DMRT1: variants seen among roughly 807,000 people sequenced by gnomAD.
DMRT1 encodes doublesex and mab-3 related transcription factor 1, also known as doublesex- and mab-3-related transcription factor 1.
DMRT1 carries 7 observed loss-of-function variants against 32.3 expected under a neutral mutation model. That is an observed-to-expected ratio of 0.22 (90% confidence interval 0.12 to 0.41). The LOEUF is 0.41. Among genes scored for constraint, DMRT1 ranks in the 10% least tolerant of loss-of-function variants. DMRT1 has a pLI of 1.00. For synonymous variants in DMRT1, 278 were observed against 206.1 expected, an observed-to-expected ratio of 1.35 and a Z score of -2.99; for missense variants, 625 against 500.5, an observed-to-expected ratio of 1.25 and a Z score of -2.37.
chr9:944,950 A>G (rs1216330571), intron 4 of DMRT1, among the ~76,000 whole-genome samples: 1 of 152,052 alleles, frequency 6.6e-6, no homozygotes, highest in Admixed American at 6.6e-5. Context: ...ATGTCCCCCA[A>G]ACAACCGACT....
chr9:947,553 G>C (rs765452524), intron 4 of DMRT1, among the ~76,000 whole-genome samples: 16 of 152,188 alleles, frequency 1.1e-4, no homozygotes, highest in Non-Finnish European at 1.9e-4. Context: ...GGAGATTGGC[G>C]AAATCATAAC....
intron 2 of DMRT1, among the ~76,000 whole-genome samples, chr9:849,695 C>T (rs980673865): frequency 3.3e-5 from 5 of 152,294 alleles, no homozygotes; most frequent in Non-Finnish European, 7.4e-5. Flanking sequence ...CATTCTACAG[C>T]CTTGAACTAG....
intron 2 of DMRT1, among the ~76,000 whole-genome samples, chr9:864,519 G>GAC (rs1815877492): frequency 2.8e-5 from 2 of 72,134 alleles, no homozygotes; most frequent in Non-Finnish European, 5.5e-5. Flanking sequence ...TTTTTTTTGA[G>GAC]ACGGAGTCTT....
chr9:946,830 C>A (rs906840764), intron 4 of DMRT1, among the ~76,000 whole-genome samples: 3 of 152,144 alleles, frequency 2.0e-5, no homozygotes, highest in African/African-American at 7.2e-5. Flanking sequence ...CCTTTCTGTG[C>A]TAATGGGTGT....
rs138050237 is a variant in DMRT1 at position 863,822 on chromosome 9, G to A, written c.538+16679G>A. 2.0e-4 allele frequency among the ~76,000 whole-genome samples: 30 copies of A among 152,310 alleles called. No homozygotes were observed. The East Asian group carries it at 5.0e-3, about 25-fold the overall frequency. On this transcript the variant is annotated intron_variant, in intron 2 of 4. Transcript: ENST00000382276. ...TGTTAGTGGGGTTGAACATCGTTCC[G>A]TATGTTTAAAGGCCATTTGTATTTT...
At chr9:856,950 CGA>C (rs1183381512) in intron 2 of DMRT1, among the ~76,000 whole-genome samples, 13 of 152,114 alleles carry the variant, frequency 8.5e-5, no homozygotes, top group South Asian at 2.1e-4. Flanking sequence ...TAAAACCCTG[CGA>C]GAGTCTCTCA....
intron 4 of DMRT1, among the ~76,000 whole-genome samples, chr9:917,558 A>G (rs946767026): frequency 1.3e-5 from 2 of 152,210 alleles, no homozygotes; most frequent in African/African-American, 2.4e-5. Flanking sequence ...AGTTCTTTAT[A>G]GTTAAGCATC....
intron 2 of DMRT1, among the ~76,000 whole-genome samples, chr9:892,629 C>T (rs1817195588): frequency 6.6e-6 from 1 of 152,196 alleles, no homozygotes; most frequent in Non-Finnish European, 1.5e-5. Context: ...CTTTCTGCCT[C>T]TGATCTCTCT....
At chr9:939,800 T>C (rs1819003700) in intron 4 of DMRT1, among the ~76,000 whole-genome samples, 1 of 152,260 alleles carries the variant, frequency 6.6e-6, no homozygotes, top group Non-Finnish European at 1.5e-5. Flanking sequence ...TACATATTTT[T>C]CCTCTCCCTC....
At chr9:843,763 C>T (rs4338164) in intron 1 of DMRT1, among the ~76,000 whole-genome samples, 21,824 of 152,200 alleles carry the variant, frequency 0.14, 1,915 homozygotes, top group East Asian at 0.43. Flanking sequence ...AAATATCCTC[C>T]ATTGAAAACA....
At chr9:956,945 G>C (rs1469086407) in intron 4 of DMRT1, among the ~76,000 whole-genome samples, 1 of 151,912 alleles carries the variant, frequency 6.6e-6, no homozygotes, top group Non-Finnish European at 1.5e-5. Flanking sequence ...ACCCTTTTTT[G>C]TTTTCCCTTT....
At chr9:872,638 T>G (rs990464472) in intron 2 of DMRT1, among the ~76,000 whole-genome samples, 1 of 152,244 alleles carries the variant, frequency 6.6e-6, no homozygotes, top group Non-Finnish European at 1.5e-5. Context: ...ATCCGTGTTG[T>G]AGCATGTTTC....
intron 4 of DMRT1, among the ~76,000 whole-genome samples, chr9:959,192 G>GT (rs144520695): frequency 0.029 from 4,466 of 152,306 alleles, 97 homozygotes; most frequent in South Asian, 0.13. Context: ...GCCTGCCTTC[G>GT]TTACTGAGAT....
intron 1 of DMRT1, chr9:843,048 G>C (rs1467929018): frequency 2.0e-5 from 3 of 152,214 alleles, no homozygotes; most frequent in Admixed American, 2.0e-4. Flanking sequence ...TCTCCGCTTT[G>C]GGGTCCCAAA....
At chr9:865,766 C>T (rs1038895440) in intron 2 of DMRT1, among the ~76,000 whole-genome samples, 1 of 152,122 alleles carries the variant, frequency 6.6e-6, no homozygotes, top group Admixed American at 6.6e-5. Context: ...TTAAACCGTC[C>T]CATTAGAATA....
chr9:894,335 C>G (rs1817270595), intron 3 of DMRT1, 140 bp downstream of exon 3: 2 of 903,914 alleles, frequency 2.2e-6, no homozygotes, highest in Non-Finnish European at 1.8e-6. Flanking sequence ...GGTACACACA[C>G]ATATGTGTGT....
At chr9:880,184 G>T (rs1816675112) in intron 2 of DMRT1, among the ~76,000 whole-genome samples, 2 of 152,128 alleles carry the variant, frequency 1.3e-5, no homozygotes, top group Admixed American at 6.5e-5. Flanking sequence ...TTAAGAAAAA[G>T]CAGTGAGTGT....
intron 4 of DMRT1, among the ~76,000 whole-genome samples, chr9:924,286 G>A (rs912487967): frequency 6.6e-6 from 1 of 152,030 alleles, no homozygotes. Context: ...CAGCCAGGCT[G>A]GTCTCGAACT....
chr9:893,823 C>T (rs536894196), intron 2 of DMRT1, 89 bp from the exon 3 acceptor site: 54 of 1,246,714 alleles, frequency 4.3e-5, no homozygotes, highest in African/African-American at 3.5e-4. Context: ...TACCTTGCTC[C>T]GCAGGTCTTG....
Sources: gnomAD v4.1 joint callset for allele counts (sites outside exome capture counted in the v4.1 genomes callset) on GRCh38, gnomAD v4.1.1 for gene constraint, MANE v1.5 for transcripts, NCBI Gene and HGNC (gene_info 2026-07-23, HGNC 2026-07-21) for gene names.